The following CCDC170 variants were observed in gnomAD, a reference collection of about 807,000 sequenced individuals.
CCDC170 encodes coiled-coil domain containing 170, also known as coiled-coil domain-containing protein 170.
CCDC170 carries 69 observed loss-of-function variants against 72.6 expected under a neutral mutation model. That is an observed-to-expected ratio of 0.95 (90% confidence interval 0.78 to 1.16). CCDC170 has a LOEUF of 1.16. Ranked by LOEUF, CCDC170 falls within the 50% of genes most tolerant of loss-of-function variation. The probability of loss-of-function intolerance (pLI) is 0.00; values close to 1 mark genes in which losing one functional copy is unlikely to be tolerated. For synonymous variants in CCDC170, 300 were observed against 303.9 expected, an observed-to-expected ratio of 0.99 and a Z score of 0.13; for missense variants, 852 against 832.5, an observed-to-expected ratio of 1.02 and a Z score of -0.29.
At position 151,544,692 on chromosome 6, in the gene CCDC170, A is replaced by T. The variant is rs762032115; in HGVS notation, c.564A>T (p.Ala188=). The change falls in exon 4 of 11, where the codon GCA becomes GCT. Residue 188 remains alanine (A), a synonymous_variant. Transcript: ENST00000239374. ...CLDPDERNDK[A]SDEDLILKLR... ...ATCCAGATGAGAGGAATGACAAGGC[A>T]TCAGATGAAGATTTAATTTTAAAGG... 1 of 1,612,566 alleles carries T rather than the reference A, an allele frequency of 6.2e-7. No individual in the cohort carries two copies. Among genetic ancestry groups the T allele is most frequent in the South Asian group, 1.1e-5 (1 of 90,992 alleles).
Position 151,549,071 on chromosome 6 carries a change from G to GT in CCDC170, c.774+589dup, listed in dbSNP as rs746483543. 2.1e-3 allele frequency among the ~76,000 whole-genome samples: 315 copies of GT among 151,922 alleles called. 1 individual carries two copies. Among genetic ancestry groups the GT allele is most frequent in the Non-Finnish European group, 3.7e-3 (253 of 67,930 alleles). ...CCCACCACCACACCCGGCTAATTTT[G>GT]TTTTTTTGTATTTTTAGTAGAGATG... is the stretch of plus-strand genomic sequence containing the variant. On this transcript the variant is annotated intron_variant, in intron 5 of 10. Transcript: ENST00000239374.
chr6:151,552,939 A>C (rs1782907684), intron 5 of CCDC170, among the ~76,000 whole-genome samples: 1 of 151,768 alleles, frequency 6.6e-6, no homozygotes, highest in African/African-American at 2.4e-5. Context: ...GGCACGTGCC[A>C]CTATGCTTGG....
At position 151,596,460 on chromosome 6, in the gene CCDC170, G is replaced by A. The variant is rs3757321; in HGVS notation, c.1593G>A (p.Ala531=). 2,016 of 1,614,058 alleles carry A rather than the reference G, an allele frequency of 1.2e-3. 21 individuals are homozygous for A. The East Asian group carries it at 0.029, about 23-fold the overall frequency. ...RTALVVERDN[A]HLTIRNLQKK... Reference sequence around the variant, plus strand: ...CCTTGGTGGTTGAGAGGGACAACGCGCATCTTACCATCAGGAACTTGCAGA... The same window carrying A: ...CCTTGGTGGTTGAGAGGGACAACGCACATCTTACCATCAGGAACTTGCAGA... Residue 531 remains alanine (A), a synonymous_variant, in exon 9 of 11, where the codon GCG becomes GCA. Transcript: ENST00000239374.
At chr6:151,585,243 T>C (rs1388284977) in intron 6 of CCDC170, among the ~76,000 whole-genome samples, 6 of 152,308 alleles carry the variant, frequency 3.9e-5, no homozygotes, top group Non-Finnish European at 8.8e-5. Flanking sequence ...CAGATTCCCC[T>C]GCTCTCTTGT....
intron 1 of CCDC170, among the ~76,000 whole-genome samples, chr6:151,527,355 C>T (rs537871983): frequency 6.6e-6 from 1 of 152,050 alleles, no homozygotes; most frequent in Admixed American, 6.6e-5. Context: ...TATAGATGCT[C>T]AGATATATTT....
At chr6:151,528,774 G>A (rs1782449031) in intron 1 of CCDC170, among the ~76,000 whole-genome samples, 1 of 152,144 alleles carries the variant, frequency 6.6e-6, no homozygotes, top group Non-Finnish European at 1.5e-5. Flanking sequence ...GGAGGTAGAG[G>A]TTGCAGTGAG....
intron 6 of CCDC170, among the ~76,000 whole-genome samples, chr6:151,576,361 A>G (rs909586113): frequency 3.9e-5 from 6 of 152,206 alleles, no homozygotes; most frequent in Admixed American, 2.0e-4. Flanking sequence ...TTGTTGGGAC[A>G]CAACCTCACC....
At chr6:151,604,562 A>C (rs528243998) in intron 9 of CCDC170, among the ~76,000 whole-genome samples, 1 of 152,342 alleles carries the variant, frequency 6.6e-6, no homozygotes, top group African/African-American at 2.4e-5. Flanking sequence ...ATCTTCGAAT[A>C]GCTAGAAAAG....
chr6:151,614,478 T>G (rs1397089399), intron 9 of CCDC170, among the ~76,000 whole-genome samples: 2 of 152,058 alleles, frequency 1.3e-5, no homozygotes, highest in African/African-American at 4.8e-5. Flanking sequence ...TTCTTGAGAC[T>G]GAGTCTCGCT....
chr6:151,506,295 ATGATTATAGTTT>A (rs1158187857), intron 1 of CCDC170, among the ~76,000 whole-genome samples: 1 of 152,214 alleles, frequency 6.6e-6, no homozygotes, highest in Non-Finnish European at 1.5e-5. Flanking sequence ...TTGCCAAGAA[ATGATTATAGTTT>A]TGACCATATT....
chr6:151,593,378 C>A, intron 8 of CCDC170, 98 bp downstream of exon 8: 1 of 1,241,080 alleles, frequency 8.1e-7, no homozygotes, highest in Non-Finnish European at 1.1e-6. Flanking sequence ...ACCAGTGTAG[C>A]TAGGAAGGCT....
chr6:151,611,829 G>A (rs1776876879), intron 9 of CCDC170, among the ~76,000 whole-genome samples: 1 of 152,052 alleles, frequency 6.6e-6, no homozygotes, highest in Non-Finnish European at 1.5e-5. Flanking sequence ...TCCTGCCTCA[G>A]CCTCCTGAGT....
rs1781956432 is a variant in CCDC170 at position 151,499,311 on chromosome 6, ACTCTT to A, written c.57+5129_57+5133del. On this transcript the variant is annotated intron_variant, in intron 1 of 10. Transcript: ENST00000239374. ...TATAAGTGGAATCAGACTGTATTTG[ACTCTT>A]CTAGGCACACTGTATAAGTGGAATC... is the stretch of plus-strand genomic sequence containing the variant. Among the ~76,000 whole-genome samples, 2 of 125,346 alleles carry A rather than the reference ACTCTT, an allele frequency of 1.6e-5. 1 individual carries two copies. The highest frequency in any genetic ancestry group is 7.4e-5 in the African/African-American group (2 of 27,092). The allele number at this position is 125,346 out of a possible 152,430, so 82.2% of individuals were successfully genotyped here.
At chr6:151,517,672 G>A (rs1354916142) in intron 1 of CCDC170, among the ~76,000 whole-genome samples, 2 of 151,840 alleles carry the variant, frequency 1.3e-5, no homozygotes, top group East Asian at 3.9e-4. Flanking sequence ...TCGAACTCCT[G>A]ACCTCGTGAT....
chr6:151,599,653 C>CAG (rs573096436), intron 9 of CCDC170, among the ~76,000 whole-genome samples: 2 of 152,100 alleles, frequency 1.3e-5, no homozygotes, highest in African/African-American at 4.8e-5. Context: ...TGAGAAGAAA[C>CAG]AGAGAGAGAG....
At chr6:151,540,638 C>T (rs1782673877) in intron 3 of CCDC170, among the ~76,000 whole-genome samples, 1 of 151,934 alleles carries the variant, frequency 6.6e-6, no homozygotes, top group Non-Finnish European at 1.5e-5. Flanking sequence ...CTGTCTGCCT[C>T]AGCCTCCCAA....
rs1213267537 is a variant in CCDC170 at position 151,572,649 on chromosome 6, G to GTTT, written c.775-507_775-505dup. Reference sequence around the variant, plus strand: ...TTTATATTTTATATCCCTTCTCTGTGTTTTTTTTTTTTTTTTTTTTGATGG... The same window carrying GTTT: ...TTTATATTTTATATCCCTTCTCTGTGTTTTTTTTTTTTTTTTTTTTTTTGATGG... On this transcript the variant is annotated intron_variant, in intron 5 of 10. Coordinates refer to ENST00000239374, the MANE Select transcript of CCDC170 (RefSeq NM_025059.4). Among the ~76,000 whole-genome samples the GTTT allele has an allele frequency of 5.0e-4, 19 of 37,974 alleles. 1 individual carries two copies. The highest frequency in any genetic ancestry group is 0.025 in the Middle Eastern group (1 of 40). The allele number at this position is 37,974 out of a possible 152,430, so 24.9% of individuals were successfully genotyped here. A position where few individuals can be genotyped will look rare whatever the true frequency, so the allele number is the denominator to read the frequency against.
chr6:151,573,574 T>C (rs1776260899), intron 6 of CCDC170, 83 bp downstream of exon 6: 1 of 1,274,956 alleles, frequency 7.8e-7, no homozygotes, highest in South Asian at 1.4e-5. Context: ...TATTAGTCTA[T>C]TCTCACGCTG....
intron 6 of CCDC170, among the ~76,000 whole-genome samples, chr6:151,581,172 G>C (rs894125302): frequency 1.3e-5 from 2 of 152,072 alleles, no homozygotes; most frequent in Admixed American, 6.6e-5. Context: ...AACAACAATT[G>C]ACTCTTTTTT....
Sources: gnomAD v4.1 joint callset for allele counts (sites outside exome capture counted in the v4.1 genomes callset) on GRCh38, gnomAD v4.1.1 for gene constraint, MANE v1.5 for transcripts, NCBI Gene and HGNC (gene_info 2026-07-23, HGNC 2026-07-21) for gene names.